Variants in PLEKHA4 observed in about 807,000 individuals in gnomAD.
The protein encoded by PLEKHA4 is pleckstrin homology domain containing A4.
In PLEKHA4, 73 loss-of-function variants were observed where a neutral mutation model predicts 94.7. The ratio of observed to expected loss-of-function variants is 0.77; its 90% CI spans 0.64 to 0.94. The LOEUF (loss-of-function observed/expected upper bound fraction) is 0.94, where lower values mean the gene tolerates loss of function less well. Among genes scored for constraint, PLEKHA4 ranks in the 40% least tolerant of loss-of-function variants. The pLI, the probability that PLEKHA4 is intolerant of heterozygous loss-of-function variation, is 0.00. For missense variants in PLEKHA4, 1,049 were observed against 1,054.1 expected, an observed-to-expected ratio of 1.00 and a Z score of 0.07; for synonymous variants, 449 against 437.1, an observed-to-expected ratio of 1.03 and a Z score of -0.34.
In PLEKHA4 at chr19:48,837,349, G is replaced by GACC; in HGVS notation, c.2277_2279dup (p.Val760dup). The stretch of plus-strand genomic sequence containing the variant: ...GCCATGCCCCCTCGTCTTGTGGCAG[G>GACC]ACCGGAGGGGCGATCCCGGCATCCC... On this transcript the variant is annotated inframe_insertion, in exon 20 of 20. Coordinates refer to ENST00000263265, the MANE Select transcript of PLEKHA4 (RefSeq NM_020904.3). The surrounding 1 kb of genome is among the most constrained non-coding windows in gnomAD (Gnocchi z 4.3). 6.2e-7 allele frequency: 1 copy of GACC among 1,613,800 alleles called. No individual in the cohort carries two copies. The highest frequency in any genetic ancestry group is 8.5e-7 in the Non-Finnish European group (1 of 1,180,014).
intron 13 of PLEKHA4, among the ~76,000 whole-genome samples, chr19:48,849,331 T>C (rs768024653): frequency 3.3e-5 from 5 of 151,480 alleles, no homozygotes; most frequent in Non-Finnish European, 7.4e-5. Context: ...TTTTTTAAGA[T>C]GGAGTCTCTC....
chr19:48,850,197 C>T (rs968007129), intron 13 of PLEKHA4, among the ~76,000 whole-genome samples: 2 of 149,898 alleles, frequency 1.3e-5, no homozygotes, highest in African/African-American at 4.9e-5. Context: ...CAGAGCAAGA[C>T]TCCATCTCAT....
At chr19:48,850,510 C>A (rs115914100) in intron 13 of PLEKHA4, among the ~76,000 whole-genome samples, 8,422 of 151,164 alleles carry the variant, frequency 0.056, 621 homozygotes, top group African/African-American at 0.17. Flanking sequence ...CTCACACACA[C>A]AAAAAAAGAA....
At chr19:48,855,772 G>C (rs148871099) in intron 9 of PLEKHA4, among the ~76,000 whole-genome samples, 1,691 of 151,142 alleles carry the variant, frequency 0.011, 12 homozygotes, top group South Asian at 0.029. Flanking sequence ...CTGGGTGACA[G>C]AGTGAGACTC....
chr19:48,842,882 C>T (rs892851568), intron 16 of PLEKHA4, among the ~76,000 whole-genome samples: 1 of 152,226 alleles, frequency 6.6e-6, no homozygotes, highest in Non-Finnish European at 1.5e-5. Context: ...CTGTGTGCTA[C>T]TGCCATCTGG....
At chr19:48,844,643 G>A (rs1046946123) in intron 16 of PLEKHA4, 122 of 985,080 alleles carry the variant, frequency 1.2e-4, no homozygotes, top group Non-Finnish European at 1.2e-4. Context: ...ATCATTGATA[G>A]CTCCATGCTT....
chr19:48,845,463 G>A lies in PLEKHA4; in HGVS notation c.1667-17C>T, dbSNP rs535418189. ...ACCCAAGACCTGGAAAGACAGAACG[G>A]GACTTGGTGAGGACGGGAATTTCCG... is the stretch of plus-strand genomic sequence containing the variant. On this transcript the variant is annotated splice_polypyrimidine_tract_variant and intron_variant, in intron 15 of 19. Coordinates refer to ENST00000263265, the MANE Select transcript of PLEKHA4 (RefSeq NM_020904.3). 2.9e-5 allele frequency: 46 copies of A among 1,613,964 alleles called. No homozygotes were observed. The highest frequency in any genetic ancestry group is 4.0e-5 in the African/African-American group (3 of 74,992).
At chr19:48,858,436 G>C (rs577903385) in intron 8 of PLEKHA4, among the ~76,000 whole-genome samples, 50 of 152,068 alleles carry the variant, frequency 3.3e-4, no homozygotes, top group African/African-American at 1.1e-3. Context: ...AGACCAGCTT[G>C]GTCAACATGG....
At chr19:48,851,811 G>T (rs184909083) in intron 13 of PLEKHA4, among the ~76,000 whole-genome samples, 14 of 152,206 alleles carry the variant, frequency 9.2e-5, no homozygotes, top group Admixed American at 9.2e-4. Context: ...GGGCATGGTG[G>T]CATGTGCCTG....
intron 12 of PLEKHA4, 126 bp from the exon 13 acceptor site, chr19:48,852,452 GACT>G (rs2123032969): frequency 2.9e-6 from 2 of 686,258 alleles, no homozygotes; most frequent in South Asian, 3.6e-5. Context: ...CAGGCGTATG[GACT>G]ACAATTCCCA....
Position 48,861,387 on chromosome 19 carries a change from A to G in PLEKHA4, c.366+14T>C. 1 of 1,607,676 alleles carries G rather than the reference A, an allele frequency of 6.2e-7. No homozygotes were observed. The highest frequency in any genetic ancestry group is 2.2e-5 in the East Asian group (1 of 44,842). Reference sequence around the variant, plus strand: ...TCCCATCGCCTGGTGCACAACATGGATGGATGGACTCACGGTGAAGGTGAA... The same window carrying G: ...TCCCATCGCCTGGTGCACAACATGGGTGGATGGACTCACGGTGAAGGTGAA... On this transcript the variant is annotated intron_variant, in intron 5 of 19. Transcript: ENST00000263265.
intron 9 of PLEKHA4, among the ~76,000 whole-genome samples, chr19:48,856,898 C>CAAAAAT (rs2036436038): frequency 2.8e-5 from 1 of 35,650 alleles, no homozygotes; most frequent in Non-Finnish European, 4.8e-5. Context: ...GACCCCGTCT[C>CAAAAAT]AAAAAAAAAA....
chr19:48,854,113 T>C (rs769373348), intron 10 of PLEKHA4, 26 bp from the exon 11 acceptor site: 10 of 1,613,978 alleles, frequency 6.2e-6, no homozygotes, highest in Non-Finnish European at 6.8e-6. Context: ...CGGGAGCTAC[T>C]GATGGTCCAG....
In PLEKHA4 at chr19:48,861,493, C is replaced by G; in HGVS notation, c.274G>C (p.Glu92Gln). ...AGGACGCTGCCTAGGACACTCTCCT[C>G]GCGGCTGTCTGCAAAGAGGGGCTGG... is the stretch of plus-strand genomic sequence containing the variant. Reference protein sequence around the residue: ...HCLFYYKDSREESVLGSVLLP... With the variant: ...HCLFYYKDSRQESVLGSVLLP... Residue 92 changes from glutamate (E) to glutamine (Q), a missense_variant, in exon 5 of 20, where the codon GAG becomes CAG. Glu to Gln is a conservative substitution (Grantham distance 29). Coordinates refer to ENST00000263265, the MANE Select transcript of PLEKHA4 (RefSeq NM_020904.3). The G allele has an allele frequency of 6.2e-7, 1 of 1,614,060 alleles. No individual in the cohort carries two copies. Among genetic ancestry groups the G allele is most frequent in the Non-Finnish European group, 8.5e-7 (1 of 1,180,002 alleles).
chr19:48,864,291 C>T (rs1322557442), intron 3 of PLEKHA4, among the ~76,000 whole-genome samples: 5 of 151,866 alleles, frequency 3.3e-5, no homozygotes, highest in Non-Finnish European at 5.9e-5. Flanking sequence ...CTCAGCCTCC[C>T]AAGTAGTTGG....
At chr19:48,851,834 C>T (rs1421141192) in intron 13 of PLEKHA4, among the ~76,000 whole-genome samples, 1 of 151,996 alleles carries the variant, frequency 6.6e-6, no homozygotes, top group Non-Finnish European at 1.5e-5. Flanking sequence ...ATCCTAGCTA[C>T]TTGGGAGGCT....
chr19:48,837,924 GCCCCCAGA>G lies in PLEKHA4; in HGVS notation c.2077+85_2077+92del. ...TCACCAAGATAAAAAATTCTCACCG[GCCCCCAGA>G]CCCCTCCTCTCCAGGACCTGGGATT... is the stretch of plus-strand genomic sequence containing the variant. On this transcript the variant is annotated intron_variant, in intron 19 of 19. Coordinates refer to ENST00000263265, the MANE Select transcript of PLEKHA4 (RefSeq NM_020904.3). This position sits in a 1 kb window ranked among gnomAD's most constrained non-coding sequence, Gnocchi z 4.3. The G allele has an allele frequency of 9.5e-7, 1 of 1,049,916 alleles. No individual in the cohort carries two copies. Among genetic ancestry groups the G allele is most frequent in the Non-Finnish European group, 1.4e-6 (1 of 702,628 alleles). The allele number at this position is 1,049,916 out of a possible 1,614,324, so 65.0% of individuals were successfully genotyped here.
chr19:48,841,020 G>A, intron 17 of PLEKHA4, 129 bp downstream of exon 17: 2 of 957,068 alleles, frequency 2.1e-6, no homozygotes, highest in African/African-American at 1.6e-5. Context: ...GTACAAACTG[G>A]GGTAAATTCG....
At position 48,865,492 on chromosome 19, in the gene PLEKHA4, A is replaced by T; in HGVS notation, c.192+11T>A. 6.2e-7 allele frequency: 1 copy of T among 1,608,222 alleles called. No homozygotes were observed. Among genetic ancestry groups the T allele is most frequent in the African/African-American group, 1.3e-5 (1 of 74,850 alleles). On this transcript the variant is annotated intron_variant, in intron 3 of 19. Coordinates refer to ENST00000263265, the MANE Select transcript of PLEKHA4 (RefSeq NM_020904.3). ...ACTTCAGTGTCCTTTTCCTTCTCCTACTGACCCCACCTGCTTATGAAGCCA... is the reference window on the plus strand; with the variant it reads ...ACTTCAGTGTCCTTTTCCTTCTCCTTCTGACCCCACCTGCTTATGAAGCCA...
Sources: gnomAD v4.1 joint callset for allele counts (sites outside exome capture counted in the v4.1 genomes callset) on GRCh38, gnomAD v4.1.1 for gene constraint, Gnocchi (gnomAD v3.1) non-coding constraint, MANE v1.5 for transcripts, NCBI Gene and HGNC (gene_info 2026-07-23, HGNC 2026-07-21) for gene names.